The following MDGA2 variants were observed in gnomAD, a reference collection of about 807,000 sequenced individuals.
MDGA2 encodes the protein MAM domain containing glycosylphosphatidylinositol anchor 2, also known as MAM domain-containing glycosylphosphatidylinositol anchor protein 2.
In MDGA2, 40 loss-of-function variants were observed where a neutral mutation model predicts 117.8. The ratio of observed to expected loss-of-function variants is 0.34; its 90% CI spans 0.26 to 0.44. MDGA2 has a LOEUF of 0.44. Ranked by LOEUF, MDGA2 falls within the 20% of genes least tolerant of loss-of-function variation. The pLI, the probability that MDGA2 is intolerant of heterozygous loss-of-function variation, is 1.00. For synonymous variants in MDGA2, 452 were observed against 439.0 expected (o/e 1.03, Z -0.37); for missense variants, 1,123 against 1,250.6 (o/e 0.90, Z 1.54).
At position 47,517,812 on chromosome 14, in the gene MDGA2, G is replaced by A. The variant is rs138010569; in HGVS notation, c.280+156705C>T. 4.9e-3 allele frequency among the ~76,000 whole-genome samples: 753 copies of A among 152,156 alleles called. 6 individuals are homozygous for A. Among genetic ancestry groups the A allele is most frequent in the Non-Finnish European group, 7.8e-3 (533 of 67,984 alleles). ...TAACCTAATTTACATGAGTTCATTTGTTCCTATTTATGAAACTGTTTTTTC... is the reference window on the plus strand; with the variant it reads ...TAACCTAATTTACATGAGTTCATTTATTCCTATTTATGAAACTGTTTTTTC... On this transcript the variant is annotated intron_variant, in intron 1 of 16. Transcript: ENST00000399232.
intron 14 of MDGA2, among the ~76,000 whole-genome samples, chr14:46,863,020 A>G (rs559906892): frequency 1.3e-5 from 2 of 151,984 alleles, no homozygotes; most frequent in East Asian, 1.9e-4. Flanking sequence ...TTTCCTTTCT[A>G]TTTCTCTGAT....
chr14:47,114,150 AT>A (rs1460574947), intron 5 of MDGA2, among the ~76,000 whole-genome samples: 2 of 152,160 alleles, frequency 1.3e-5, no homozygotes, highest in African/African-American at 4.8e-5. Context: ...GTGAACTCCC[AT>A]TCACAACTGC....
intron 8 of MDGA2, among the ~76,000 whole-genome samples, chr14:47,031,321 T>G (rs1888659226): frequency 1.3e-5 from 2 of 152,014 alleles, no homozygotes; most frequent in Admixed American, 1.3e-4. Flanking sequence ...CTTTAGTTTT[T>G]TTGAGTGGTT....
At chr14:47,021,313 C>A (rs550468119) in intron 8 of MDGA2, among the ~76,000 whole-genome samples, 1 of 152,074 alleles carries the variant, frequency 6.6e-6, no homozygotes, top group African/African-American at 2.4e-5. Flanking sequence ...CAGAAGCTAA[C>A]CACAAAACAA....
At chr14:47,162,198 GCCT>G (rs1883671553) in intron 3 of MDGA2, among the ~76,000 whole-genome samples, 1 of 151,782 alleles carries the variant, frequency 6.6e-6, no homozygotes, top group Non-Finnish European at 1.5e-5. Flanking sequence ...GCATGCCTCG[GCCT>G]CCCAAAGTGC....
At chr14:46,999,208 T>TAA (rs35609045) in intron 8 of MDGA2, among the ~76,000 whole-genome samples, 5 of 144,376 alleles carry the variant, frequency 3.5e-5, no homozygotes, top group African/African-American at 8.1e-5. Context: ...TCACAGCAGG[T>TAA]AAAAAAAAAA....
chr14:47,200,533 T>C, intron 3 of MDGA2: 1 of 597,108 alleles, frequency 1.7e-6, no homozygotes. Context: ...CTTTTTCTTT[T>C]CTTTTTTTTT....
intron 1 of MDGA2, among the ~76,000 whole-genome samples, chr14:47,335,734 T>TATATATATATATATATATATATA (rs1555374518): frequency 1.1e-3 from 51 of 48,030 alleles, no homozygotes; most frequent in South Asian, 2.8e-3. Context: ...CACATATATT[T>TATATATATATATATATATATATA]TATATATATA....
intron 2 of MDGA2, among the ~76,000 whole-genome samples, chr14:47,281,724 A>T (rs1888496502): frequency 6.6e-6 from 1 of 152,298 alleles, no homozygotes; most frequent in Admixed American, 6.5e-5. Flanking sequence ...TGAATTCTGT[A>T]ATTTCTTCAG....
intron 8 of MDGA2, among the ~76,000 whole-genome samples, chr14:47,015,514 T>C (rs569721551): frequency 4.1e-4 from 62 of 149,982 alleles, no homozygotes; most frequent in African/African-American, 1.5e-3. Context: ...TATGAAAACA[T>C]GGGGAAGTGA....
chr14:46,984,198 T>C (rs1473403349), intron 8 of MDGA2, among the ~76,000 whole-genome samples: 1 of 151,996 alleles, frequency 6.6e-6, no homozygotes, highest in African/African-American at 2.4e-5. Context: ...ACTCAGTATT[T>C]CATTTTCCTG....
At chr14:47,657,031 T>A (rs1369732471) in intron 1 of MDGA2, among the ~76,000 whole-genome samples, 2 of 152,176 alleles carry the variant, frequency 1.3e-5, no homozygotes, top group African/African-American at 4.8e-5. Context: ...AAGTTTTCAA[T>A]TCAGCCAAAG....
At chr14:47,637,273 C>T (rs544597774) in intron 1 of MDGA2, among the ~76,000 whole-genome samples, 1 of 152,220 alleles carries the variant, frequency 6.6e-6, no homozygotes, top group South Asian at 2.1e-4. Flanking sequence ...ATAATTCAAG[C>T]GCTTCTAACT....
Position 46,845,794 on chromosome 14 carries a change from T to G in MDGA2, c.2961A>C (p.Glu987Asp). The G allele has an allele frequency of 6.2e-7, 1 of 1,613,110 alleles. No individual in the cohort carries two copies. The highest frequency in any genetic ancestry group is 1.3e-5 in the African/African-American group (1 of 75,018). Residue 987 changes from glutamate to aspartate, a missense_variant, in exon 16 of 17, where the codon GAA becomes GAC. Transcript: ENST00000399232. ...AIDDVSIAEGECAKQDLATKN... is the reference protein window; with the variant it reads ...AIDDVSIAEGDCAKQDLATKN... ...TAGTTGCTAGGTCTTGTTTTGCACA[T>G]TCTCCTTCTGCAATTGATACATCAT...
At chr14:47,407,205 T>C (rs754342741) in intron 1 of MDGA2, among the ~76,000 whole-genome samples, 1 of 152,152 alleles carries the variant, frequency 6.6e-6, no homozygotes, top group Non-Finnish European at 1.5e-5. Context: ...TCTGGTGTAT[T>C]TTGTTTTGTT....
chr14:47,216,456 A>C (rs1211193410), intron 3 of MDGA2, among the ~76,000 whole-genome samples: 1 of 152,128 alleles, frequency 6.6e-6, no homozygotes, highest in Non-Finnish European at 1.5e-5. Context: ...TGATTATTCA[A>C]AGTCTGGTAA....
At chr14:46,960,937 C>T (rs112830410) in intron 8 of MDGA2, among the ~76,000 whole-genome samples, 16,448 of 137,598 alleles carry the variant, frequency 0.12, 1,731 homozygotes, top group African/African-American at 0.28. Context: ...TATGTGTATG[C>T]GTATATATAT....
At chr14:46,927,897 A>G (rs1196161176) in intron 9 of MDGA2, among the ~76,000 whole-genome samples, 1 of 152,176 alleles carries the variant, frequency 6.6e-6, no homozygotes, top group East Asian at 1.9e-4. Context: ...ACCACACTTC[A>G]GCACTCAAGA....
At chr14:47,586,225 CA>C (rs1896322396) in intron 1 of MDGA2, among the ~76,000 whole-genome samples, 1 of 151,900 alleles carries the variant, frequency 6.6e-6, no homozygotes, top group Non-Finnish European at 1.5e-5. Context: ...CACGAGACTG[CA>C]CTTAATACTA....
Sources: gnomAD v4.1 joint callset for allele counts (sites outside exome capture counted in the v4.1 genomes callset) on GRCh38, gnomAD v4.1.1 for gene constraint, MANE v1.5 for transcripts, NCBI Gene and HGNC (gene_info 2026-07-23, HGNC 2026-07-21) for gene names.